The following PPARGC1A variants were observed in gnomAD, a reference collection of about 807,000 sequenced individuals.
The protein encoded by PPARGC1A is PPARG coactivator 1 alpha, also known as peroxisome proliferator-activated receptor gamma coactivator 1-alpha.
A neutral mutation model predicts 88.7 loss-of-function variants in PPARGC1A; 25 were observed. The observed-to-expected ratio is 0.28, with a 90% CI of 0.21 to 0.39. The LOEUF (loss-of-function observed/expected upper bound fraction) is 0.39. PPARGC1A is among the 10% of genes least tolerant of loss of function. The pLI is 1.00. For synonymous variants in PPARGC1A, 363 were observed against 355.6 expected (o/e 1.02, Z -0.24); for missense variants, 880 against 968.7 (o/e 0.91, Z 1.22).
At chr4:24,389,020 GAAAT>G in the PPARGC1A span, among the ~76,000 whole-genome samples, 1 of 152,050 alleles carries the variant, frequency 6.6e-6, no homozygotes, top group African/African-American at 2.4e-5. Context: ...TGAAAACAAA[GAAAT>G]AAAGATGGCA....
chr4:24,397,124 T>C, the PPARGC1A span, among the ~76,000 whole-genome samples: 1 of 152,110 alleles, frequency 6.6e-6, no homozygotes, highest in South Asian at 2.1e-4. Flanking sequence ...GGCTAATAAA[T>C]TATAGAATAA....
chr4:24,154,728 A>T, the PPARGC1A span, among the ~76,000 whole-genome samples: 1 of 152,246 alleles, frequency 6.6e-6, no homozygotes, highest in Non-Finnish European at 1.5e-5. Flanking sequence ...TGGGAATTCA[A>T]AGATGAGAAA....
chr4:23,885,409 T>G (rs1478748397), intron 1 of PPARGC1A, among the ~76,000 whole-genome samples: 3 of 152,152 alleles, frequency 2.0e-5, no homozygotes, highest in African/African-American at 4.8e-5. Context: ...TAGGAAAAAT[T>G]TTCTCCATTT....
chr4:24,202,836 A>T, the PPARGC1A span, among the ~76,000 whole-genome samples: 1 of 152,104 alleles, frequency 6.6e-6, no homozygotes, highest in Non-Finnish European at 1.5e-5. Context: ...CCCTGCCCCT[A>T]TTTCAGAAAA....
the PPARGC1A span, among the ~76,000 whole-genome samples, chr4:24,021,229 C>A: frequency 1.3e-5 from 2 of 152,316 alleles, no homozygotes; most frequent in Admixed American, 6.5e-5. Flanking sequence ...TACGGACCAC[C>A]CATCACCAAG....
At chr4:24,260,707 C>T in the PPARGC1A span, among the ~76,000 whole-genome samples, 1 of 151,826 alleles carries the variant, frequency 6.6e-6, no homozygotes, top group African/African-American at 2.4e-5. Context: ...TTCCTCACCC[C>T]CTACAACATG....
At chr4:23,915,204 C>CTAGGCA in the PPARGC1A span, among the ~76,000 whole-genome samples, 1 of 151,868 alleles carries the variant, frequency 6.6e-6, no homozygotes, top group Non-Finnish European at 1.5e-5. Context: ...ACATTAAAAG[C>CTAGGCA]TAGGCACATA....
chr4:24,308,550 T>C, the PPARGC1A span, among the ~76,000 whole-genome samples: 5 of 152,096 alleles, frequency 3.3e-5, no homozygotes, highest in African/African-American at 1.2e-4. Flanking sequence ...CTCAGAAATA[T>C]TGATCATGTT....
chr4:23,828,136 A>T (rs556010991), intron 5 of PPARGC1A, among the ~76,000 whole-genome samples: 1 of 152,252 alleles, frequency 6.6e-6, no homozygotes, highest in South Asian at 2.1e-4. Context: ...ACATCATGTG[A>T]TGTTGCAATT....
chr4:23,887,254 A>G (rs556178210), intron 1 of PPARGC1A, among the ~76,000 whole-genome samples: 1 of 152,106 alleles, frequency 6.6e-6, no homozygotes, highest in African/African-American at 2.4e-5. Context: ...AGAAAAGTGC[A>G]TGTGTTCTTG....
At chr4:23,921,171 C>T in the PPARGC1A span, among the ~76,000 whole-genome samples, 4 of 152,274 alleles carry the variant, frequency 2.6e-5, no homozygotes, top group African/African-American at 9.6e-5. Flanking sequence ...ATGGGGCTGA[C>T]TTTGATTCTT....
chr4:24,132,191 T>A, the PPARGC1A span, among the ~76,000 whole-genome samples: 1 of 152,090 alleles, frequency 6.6e-6, no homozygotes, highest in Non-Finnish European at 1.5e-5. Context: ...CCTTAGATGT[T>A]ACACTGTTGC....
intron 2 of PPARGC1A, among the ~76,000 whole-genome samples, chr4:23,868,588 A>T (rs377385542): frequency 6.6e-6 from 1 of 152,204 alleles, no homozygotes; most frequent in African/African-American, 2.4e-5. Flanking sequence ...ACCTTGAGAG[A>T]TTTAGCCAAA....
chr4:24,020,057 G>T, the PPARGC1A span, among the ~76,000 whole-genome samples: 1 of 152,092 alleles, frequency 6.6e-6, no homozygotes, highest in Non-Finnish European at 1.5e-5. Flanking sequence ...ATTCATGGGA[G>T]AATGAAAAAT....
At chr4:24,044,657 C>T in the PPARGC1A span, among the ~76,000 whole-genome samples, 2,282 of 152,228 alleles carry the variant, frequency 0.015, 61 homozygotes, top group African/African-American at 0.052. Flanking sequence ...ATTCAGCTTG[C>T]AGAACTTCTG....
the PPARGC1A span, among the ~76,000 whole-genome samples, chr4:24,104,790 C>A: frequency 6.6e-6 from 1 of 152,140 alleles, no homozygotes; most frequent in Admixed American, 6.5e-5. Flanking sequence ...GCCCAGTAAA[C>A]CCTGAGGAAA....
chr4:23,879,378 C>A (rs1201977215), intron 2 of PPARGC1A, among the ~76,000 whole-genome samples: 1 of 152,166 alleles, frequency 6.6e-6, no homozygotes, highest in East Asian at 1.9e-4. Context: ...TAAATATGTT[C>A]TGTCCCTGAG....
At chr4:23,945,414 T>A in the PPARGC1A span, among the ~76,000 whole-genome samples, 9 of 152,004 alleles carry the variant, frequency 5.9e-5, no homozygotes, top group Non-Finnish European at 8.8e-5. Flanking sequence ...GAATTTACCA[T>A]GCAGCTGAGA....
At chr4:24,327,399 G>A in the PPARGC1A span, among the ~76,000 whole-genome samples, 1 of 152,044 alleles carries the variant, frequency 6.6e-6, no homozygotes, top group East Asian at 1.9e-4. Context: ...TCCCCAAACT[G>A]CCACTCTTAA....
Sources: gnomAD v4.1 joint callset for allele counts (sites outside exome capture counted in the v4.1 genomes callset) on GRCh38, gnomAD v4.1.1 for gene constraint, MANE v1.5 for transcripts, NCBI Gene and HGNC (gene_info 2026-07-23, HGNC 2026-07-21) for gene names.